RYR2: variants seen among roughly 807,000 people sequenced by gnomAD.
RYR2 encodes ryanodine receptor 2, also known as cardiac muscle ryanodine receptor-calcium release channel.
Under a neutral mutation model 601.1 loss-of-function variants are expected in RYR2, and 227 were observed. That is an observed-to-expected ratio of 0.38 (90% CI 0.34 to 0.42). RYR2 has a LOEUF of 0.42. RYR2 is among the 10% of genes least tolerant of loss of function. RYR2 has a pLI of 1.00. For synonymous variants in RYR2, 2,223 were observed against 2,175.1 expected, an observed-to-expected ratio of 1.02 and a Z score of -0.61; for missense variants, 4,646 against 6,156.5, an observed-to-expected ratio of 0.75 and a Z score of 8.21.
intron 73 of RYR2, among the ~76,000 whole-genome samples, chr1:237,719,066 C>T (rs1015880504): frequency 6.6e-6 from 1 of 151,996 alleles, no homozygotes; most frequent in Non-Finnish European, 1.5e-5. Flanking sequence ...GAGTTTGAGC[C>T]TGGGCAACAT....
At chr1:237,576,498 T>C (rs949317482) in intron 29 of RYR2, among the ~76,000 whole-genome samples, 2 of 152,076 alleles carry the variant, frequency 1.3e-5, no homozygotes, top group African/African-American at 4.8e-5. Context: ...TGTCAGTATG[T>C]TGGAGAAAAG....
At chr1:237,071,131 G>C (rs1029679746) in intron 1 of RYR2, among the ~76,000 whole-genome samples, 2 of 152,218 alleles carry the variant, frequency 1.3e-5, no homozygotes, top group African/African-American at 4.8e-5. Context: ...TTGAGTAAAA[G>C]AACAACTCTC....
chr1:237,270,677 A>G (rs2149347457), intron 2 of RYR2, 61 bp downstream of exon 2: 1 of 1,512,758 alleles, frequency 6.6e-7, no homozygotes, highest in East Asian at 2.5e-5. Flanking sequence ...CATTGAAGTT[A>G]TTTATGAGCT....
chr1:237,579,177 A>G (rs908897101), intron 29 of RYR2, among the ~76,000 whole-genome samples: 2 of 151,920 alleles, frequency 1.3e-5, no homozygotes, highest in Admixed American at 6.6e-5. Context: ...ACCAGCTAAT[A>G]ATAAATTGTA....
chr1:237,136,704 T>C (rs947696337), intron 1 of RYR2, among the ~76,000 whole-genome samples: 1 of 152,052 alleles, frequency 6.6e-6, no homozygotes, highest in African/African-American at 2.4e-5. Context: ...TCAACAGTTA[T>C]AGGTTGGTGG....
Position 237,590,784 on chromosome 1 carries a change from G to C in RYR2, c.3952G>C (p.Val1318Leu), listed in dbSNP as rs1675068916. The C allele has an allele frequency of 4.3e-6, 7 of 1,613,940 alleles. No homozygotes were observed. Among genetic ancestry groups the C allele is most frequent in the Non-Finnish European group, 5.9e-6 (7 of 1,179,856 alleles). The change falls in exon 31 of 105, where the codon GTG becomes CTG. Residue 1318 changes from valine (V) to leucine (L), a missense_variant. Transcript: ENST00000366574. ...IECAEVFSKTVAGGLPGAGLF... is the reference protein window; with the variant it reads ...IECAEVFSKTLAGGLPGAGLF... ...GTGCGCGGAGGTCTTCTCCAAGACGGTGGCTGGAGGGCTCCCTGGGGCTGG... is the reference window on the plus strand; with the variant it reads ...GTGCGCGGAGGTCTTCTCCAAGACGCTGGCTGGAGGGCTCCCTGGGGCTGG...
intron 2 of RYR2, among the ~76,000 whole-genome samples, chr1:237,284,639 T>A (rs1016617389): frequency 1.5e-5 from 2 of 132,806 alleles, no homozygotes; most frequent in Non-Finnish European, 3.2e-5. Context: ...ATATGTATAG[T>A]GTGTGTATAT....
chr1:237,770,380 A>C, intron 84 of RYR2, among the ~76,000 whole-genome samples: 1 of 152,218 alleles, frequency 6.6e-6, no homozygotes, highest in East Asian at 1.9e-4. Flanking sequence ...TTTTTTGGAT[A>C]CACAGAATGC....
At chr1:237,782,844 C>T (rs1304726300) in intron 89 of RYR2, among the ~76,000 whole-genome samples, 1 of 152,138 alleles carries the variant, frequency 6.6e-6, no homozygotes, top group Non-Finnish European at 1.5e-5. Flanking sequence ...GAAATCTGCC[C>T]AGGTTGCTGA....
intron 1 of RYR2, among the ~76,000 whole-genome samples, chr1:237,081,573 C>T (rs986755658): frequency 6.6e-6 from 1 of 151,818 alleles, no homozygotes; most frequent in African/African-American, 2.4e-5. Context: ...ATTTCTCATG[C>T]ATTTATGTTC....
intron 35 of RYR2, among the ~76,000 whole-genome samples, chr1:237,607,472 G>A (rs1431277987): frequency 6.6e-6 from 1 of 152,126 alleles, no homozygotes. Context: ...TATACCTAAT[G>A]TAAATGACGC....
intron 1 of RYR2, among the ~76,000 whole-genome samples, chr1:237,192,150 A>G (rs1026459537): frequency 1.3e-5 from 2 of 151,912 alleles, no homozygotes; most frequent in African/African-American, 2.4e-5. Context: ...CATGCATCAC[A>G]ATACTGCGGC....
chr1:237,706,843 C>A lies in RYR2; in HGVS notation c.9581-106C>A, dbSNP rs1688421240. On this transcript the variant is annotated intron_variant, in intron 67 of 104. Coordinates refer to ENST00000366574, the MANE Select transcript of RYR2 (RefSeq NM_001035.3). The stretch of plus-strand genomic sequence containing the variant: ...GGAGCCAGTTGCAGGCATGCCACGT[C>A]TTGCTAAATTTTGAAGTCCAAAATG... 3 of 914,608 alleles carry A rather than the reference C, an allele frequency of 3.3e-6. No individual in the cohort carries two copies. In the South Asian group the frequency reaches 4.6e-5, roughly 14 times the overall value. The allele number at this position is 914,608 out of a possible 1,614,324, so 56.7% of individuals were successfully genotyped here. A position where few individuals can be genotyped will look rare whatever the true frequency, so the allele number is the denominator to read the frequency against.
chr1:237,730,736 AAAT>A (rs1285139209), intron 77 of RYR2, among the ~76,000 whole-genome samples: 1 of 152,172 alleles, frequency 6.6e-6, no homozygotes, highest in Non-Finnish European at 1.5e-5. Context: ...GGTGAACAAA[AAAT>A]TGCTGGTTTT....
intron 17 of RYR2, among the ~76,000 whole-genome samples, chr1:237,473,419 A>ATC (rs375072151): frequency 1.6e-5 from 2 of 124,444 alleles, no homozygotes; most frequent in African/African-American, 6.4e-5. Flanking sequence ...ACGAGACTCC[A>ATC]TCTCTCTCTC....
intron 3 of RYR2, among the ~76,000 whole-genome samples, chr1:237,349,801 G>C (rs1297470900): frequency 6.6e-6 from 1 of 152,032 alleles, no homozygotes; most frequent in Non-Finnish European, 1.5e-5. Context: ...TTTCCAGAGG[G>C]AAAAATGCAA....
intron 58 of RYR2, among the ~76,000 whole-genome samples, chr1:237,672,327 C>T (rs1685023758): frequency 6.6e-6 from 1 of 152,074 alleles, no homozygotes; most frequent in Non-Finnish European, 1.5e-5. Context: ...GTATGCGGCC[C>T]CAAAATCACT....
In RYR2 at chr1:237,831,500, C is replaced by A. The variant is rs1574129539; in HGVS notation, c.14757-14C>A. Reference sequence around the variant, plus strand: ...CATACCGTTCATTTCTGATCAGTTTCTCTGTATCTGTAGGTTTTTTCTGAT... The same window carrying A: ...CATACCGTTCATTTCTGATCAGTTTATCTGTATCTGTAGGTTTTTTCTGAT... On this transcript the variant is annotated splice_polypyrimidine_tract_variant and intron_variant, in intron 103 of 104. Coordinates refer to ENST00000366574, the MANE Select transcript of RYR2 (RefSeq NM_001035.3). The A allele has an allele frequency of 3.4e-6, 5 of 1,453,176 alleles. No individual in the cohort carries two copies. Among genetic ancestry groups the A allele is most frequent in the African/African-American group, 2.8e-5 (2 of 71,618 alleles). The allele number at this position is 1,453,176 out of a possible 1,614,324, so 90.0% of individuals were successfully genotyped here. A position where few individuals can be genotyped will look rare whatever the true frequency, so the allele number is the denominator to read the frequency against.
chr1:237,812,893 A>C (rs1574058873), intron 100 of RYR2, among the ~76,000 whole-genome samples: 2 of 79,032 alleles, frequency 2.5e-5, no homozygotes, highest in African/African-American at 1.4e-4. Flanking sequence ...AAAATGTATA[A>C]GTTTTTTTTT....
Sources: gnomAD v4.1 joint callset for allele counts (sites outside exome capture counted in the v4.1 genomes callset) on GRCh38, gnomAD v4.1.1 for gene constraint, MANE v1.5 for transcripts, NCBI Gene and HGNC (gene_info 2026-07-23, HGNC 2026-07-21) for gene names.